The following DCDC1 variants were observed in gnomAD, a reference collection of about 807,000 sequenced individuals.
DCDC1 encodes the protein doublecortin domain-containing protein 1.
DCDC1 carries 200 observed loss-of-function variants against 178.3 expected under a neutral mutation model. The ratio of observed to expected loss-of-function variants is 1.12; its 90% CI spans 1.00 to 1.26. The LOEUF (loss-of-function observed/expected upper bound fraction) is 1.26. DCDC1 is among the 50% of genes most tolerant of loss of function. The probability of loss-of-function intolerance (pLI) is 0.00; values close to 1 mark genes in which losing one functional copy is unlikely to be tolerated. For synonymous variants in DCDC1, 690 were observed against 604.8 expected, an observed-to-expected ratio of 1.14 and a Z score of -2.07; for missense variants, 1,983 against 1,749.2, an observed-to-expected ratio of 1.13 and a Z score of -2.38.
intron 3 of DCDC1, among the ~76,000 whole-genome samples, chr11:31,315,942 G>A (rs1949086264): frequency 8.8e-6 from 1 of 113,374 alleles, no homozygotes; most frequent in Non-Finnish European, 1.7e-5. Flanking sequence ...TACTGAGAAT[G>A]ATGGTTTCCA....
In DCDC1 at chr11:30,906,677, A is replaced by G; in HGVS notation, c.3967T>C (p.Leu1323=). 2 of 1,613,688 alleles carry G rather than the reference A, an allele frequency of 1.2e-6. No individual in the cohort carries two copies. Among genetic ancestry groups the G allele is most frequent in the Non-Finnish European group, 8.5e-7 (1 of 1,179,706 alleles). The change falls in exon 30 of 39, where the codon TTG becomes CTG. Residue 1323 remains leucine (L), a synonymous_variant. Transcript: ENST00000684477. ...PDGKRKTMLC[L]ACGQSMRTEK... ...GTTCTCATGGATTGTCCACAAGCCA[A>G]GCAGAGCATAGTTTTTCTCTTTCCA...
At chr11:30,973,179 G>A (rs1040142479) in intron 20 of DCDC1, among the ~76,000 whole-genome samples, 9 of 150,768 alleles carry the variant, frequency 6.0e-5, no homozygotes, top group African/African-American at 2.2e-4. Flanking sequence ...AGCTGAGGCA[G>A]GAGAATCACT....
chr11:30,888,781 G>A (rs1370281623), intron 36 of DCDC1, among the ~76,000 whole-genome samples: 1 of 152,138 alleles, frequency 6.6e-6, no homozygotes, highest in Non-Finnish European at 1.5e-5. Context: ...TTTTTCAAAT[G>A]TATCTAAATT....
intron 7 of DCDC1, among the ~76,000 whole-genome samples, chr11:31,273,987 TC>T (rs1237888162): frequency 1.3e-5 from 2 of 152,036 alleles, no homozygotes; most frequent in South Asian, 4.2e-4. Flanking sequence ...GAAAGACCCA[TC>T]CCCATGACTC....
chr11:31,212,856 G>T (rs1377556835), intron 9 of DCDC1, among the ~76,000 whole-genome samples: 1 of 152,156 alleles, frequency 6.6e-6, no homozygotes, highest in Non-Finnish European at 1.5e-5. Flanking sequence ...CTGCAATGCA[G>T]CAATGCTCAT....
chr11:30,903,244 T>A (rs1590298083), intron 32 of DCDC1, among the ~76,000 whole-genome samples: 1 of 152,162 alleles, frequency 6.6e-6, no homozygotes, highest in Non-Finnish European at 1.5e-5. Flanking sequence ...TTATTAATTA[T>A]ATGCAGTTTA....
chr11:30,942,533 C>T (rs1947725392), intron 21 of DCDC1, among the ~76,000 whole-genome samples: 1 of 152,178 alleles, frequency 6.6e-6, no homozygotes, highest in South Asian at 2.1e-4. Flanking sequence ...CAAGATTCTC[C>T]TTCATGCTTT....
At chr11:31,052,432 C>T (rs1955322965) in intron 20 of DCDC1, among the ~76,000 whole-genome samples, 1 of 152,136 alleles carries the variant, frequency 6.6e-6, no homozygotes, top group South Asian at 2.1e-4. Flanking sequence ...ACTGACAGCT[C>T]TAGACAGGTT....
intron 6 of DCDC1, among the ~76,000 whole-genome samples, chr11:31,291,746 C>T (rs1947243437): frequency 6.6e-6 from 1 of 151,978 alleles, no homozygotes; most frequent in Non-Finnish European, 1.5e-5. Flanking sequence ...CTTATTTGTT[C>T]TGAGAGAAAC....
chr11:31,283,509 A>AATCTGTTTAATCTTAATAAT, intron 7 of DCDC1, among the ~76,000 whole-genome samples: 2 of 151,598 alleles, frequency 1.3e-5, no homozygotes, highest in African/African-American at 4.9e-5. Flanking sequence ...ATTTATAATC[A>AATCTGTTTAATCTTAATAAT]CTGTTTAAAT....
At chr11:31,304,037 C>T (rs191321481) in intron 6 of DCDC1, among the ~76,000 whole-genome samples, 15 of 152,220 alleles carry the variant, frequency 9.9e-5, no homozygotes, top group Admixed American at 7.9e-4. Flanking sequence ...GCCAAAGATA[C>T]GCAGACAAAG....
At chr11:31,011,969 A>G (rs1952199176) in intron 20 of DCDC1, among the ~76,000 whole-genome samples, 1 of 152,106 alleles carries the variant, frequency 6.6e-6, no homozygotes, top group Admixed American at 6.5e-5. Context: ...TTGGATTATG[A>G]GGATGGATTT....
intron 7 of DCDC1, among the ~76,000 whole-genome samples, chr11:31,285,000 A>T (rs1946713132): frequency 6.6e-6 from 1 of 152,176 alleles, no homozygotes; most frequent in South Asian, 2.1e-4. Flanking sequence ...CCATCAGTAA[A>T]GTAAATGAAT....
chr11:31,325,222 T>C (rs1237957181), intron 3 of DCDC1, among the ~76,000 whole-genome samples: 1 of 152,284 alleles, frequency 6.6e-6, no homozygotes, highest in African/African-American at 2.4e-5. Flanking sequence ...GATATGAATA[T>C]GGTGAAACTA....
intron 10 of DCDC1, among the ~76,000 whole-genome samples, chr11:31,133,298 C>G (rs1962682434): frequency 6.6e-6 from 1 of 152,194 alleles, no homozygotes; most frequent in Admixed American, 6.5e-5. Context: ...GAAATCAGCA[C>G]AAACGGTGGC....
At chr11:31,346,990 T>C (rs1950850636) in intron 1 of DCDC1, among the ~76,000 whole-genome samples, 1 of 152,232 alleles carries the variant, frequency 6.6e-6, no homozygotes, top group Admixed American at 6.5e-5. Flanking sequence ...ATTTTCCAAC[T>C]ATTTAAGCTT....
At position 30,892,884 on chromosome 11, in the gene DCDC1, C is replaced by T. The variant is rs768420393; in HGVS notation, c.5016G>A (p.Val1672=). 9.3e-6 allele frequency: 15 copies of T among 1,613,800 alleles called. No individual in the cohort carries two copies. Among genetic ancestry groups the T allele is most frequent in the African/African-American group, 1.3e-5 (1 of 74,892 alleles). Residue 1672 remains valine (V), a synonymous_variant, in exon 36 of 39, where the codon GTG becomes GTA. Coordinates refer to ENST00000684477, the MANE Select transcript of DCDC1 (RefSeq NM_001387274.1). ...GTCTGCCTCCATTTAGATAAATCCA[C>T]ACTCGTTTTGTGTTGGGCTGCTTAT... ...NLYKQPNTKR[V]WIYLNGGRPE...
At chr11:30,969,191 T>C (rs559012258) in intron 20 of DCDC1, among the ~76,000 whole-genome samples, 120 of 152,276 alleles carry the variant, frequency 7.9e-4, no homozygotes, top group Non-Finnish European at 3.5e-4. Context: ...AGAGGCAAAA[T>C]TAAACTTTGT....
rs16922066 is a variant in DCDC1 at position 31,306,289 on chromosome 11, A to C, written c.534T>G (p.Ala178=). 5,997 of 1,610,386 alleles carry C rather than the reference A, an allele frequency of 3.7e-3. 196 individuals are homozygous for C. In the African/African-American group the frequency reaches 0.07, roughly 19 times the overall value. Residue 178 remains alanine (A), a synonymous_variant, in exon 5 of 39, where the codon GCT becomes GCG. Transcript: ENST00000684477. Reference sequence around the variant, plus strand: ...AGACTGTTCTAGATCCATTTTTGTAAGCTGTTACTTTAATCACTCTTGGTT... The same window carrying C: ...AGACTGTTCTAGATCCATTTTTGTACGCTGTTACTTTAATCACTCTTGGTT... ...KLQPRVIKVT[A]YKNGSRTVFA... is the part of the protein sequence containing the mutation.
Sources: allele counts gnomAD v4.1 joint callset (sites outside exome capture counted in the v4.1 genomes callset), GRCh38; gene constraint gnomAD v4.1.1; transcripts MANE v1.5; gene names NCBI Gene and HGNC (gene_info 2026-07-23, HGNC 2026-07-21).